The following CLSTN2 variants were observed in gnomAD, a reference collection of about 807,000 sequenced individuals.
CLSTN2 encodes the protein calsyntenin-2.
In CLSTN2, 48 loss-of-function variants were observed where a neutral mutation model predicts 101.2. The ratio of observed to expected loss-of-function variants is 0.47; its 90% confidence interval spans 0.38 to 0.60. The LOEUF is 0.60. CLSTN2 is among the 20% of genes least tolerant of loss of function. The pLI is 0.00. For missense variants in CLSTN2, 1,160 were observed against 1,238.2 expected (o/e 0.94, Z 0.95); for synonymous variants, 481 against 463.6 (o/e 1.04, Z -0.48).
chr3:140,415,136 C>A (rs920567041), intron 4 of CLSTN2, among the ~76,000 whole-genome samples: 2 of 151,084 alleles, frequency 1.3e-5, no homozygotes, highest in Non-Finnish European at 3.0e-5. Flanking sequence ...TATCCACAAG[C>A]AAAACAAAGC....
intron 2 of CLSTN2, among the ~76,000 whole-genome samples, chr3:140,191,184 A>T (rs1436593090): frequency 6.6e-6 from 1 of 151,706 alleles, no homozygotes; most frequent in East Asian, 1.9e-4. Flanking sequence ...TGAATATGTA[A>T]TTTTTTTTAG....
intron 1 of CLSTN2, among the ~76,000 whole-genome samples, chr3:139,941,978 G>C (rs759897142): frequency 2.6e-5 from 4 of 152,144 alleles, no homozygotes; most frequent in Non-Finnish European, 5.9e-5. Context: ...TGAGAAGTGA[G>C]GTAACTTGCC....
intron 5 of CLSTN2, among the ~76,000 whole-genome samples, chr3:140,447,656 C>G (rs1933116390): frequency 6.6e-6 from 1 of 152,212 alleles, no homozygotes; most frequent in Non-Finnish European, 1.5e-5. Context: ...ATCCTTTCAC[C>G]CTACCTTGTG....
At chr3:140,240,887 A>G (rs150956875) in intron 2 of CLSTN2, among the ~76,000 whole-genome samples, 2 of 152,236 alleles carry the variant, frequency 1.3e-5, no homozygotes, top group African/African-American at 4.8e-5. Flanking sequence ...TCCATGAGAG[A>G]ACCTTTTTCT....
At position 140,357,122 on chromosome 3, in the gene CLSTN2, A is replaced by G. The variant is rs111590244; in HGVS notation, c.233-46507A>G. On this transcript the variant is annotated intron_variant, in intron 2 of 16. Coordinates refer to ENST00000458420, the MANE Select transcript of CLSTN2 (RefSeq NM_022131.3). ...GAGCAAGTCCCCTCTCTTGAACCTC[A>G]ATCTGGAAAATGGAGATGAAATGAG... Among the ~76,000 whole-genome samples, 274 of 152,326 alleles carry G rather than the reference A, an allele frequency of 1.8e-3. 1 individual carries two copies. Among genetic ancestry groups the G allele is most frequent in the African/African-American group, 6.1e-3 (252 of 41,576 alleles).
chr3:140,391,756 G>A (rs1187447819), intron 2 of CLSTN2, among the ~76,000 whole-genome samples: 1 of 152,046 alleles, frequency 6.6e-6, no homozygotes, highest in Non-Finnish European at 1.5e-5. Context: ...CTGATAGTCA[G>A]TCAGTGAAAG....
chr3:140,251,084 T>C (rs559357261), intron 2 of CLSTN2, among the ~76,000 whole-genome samples: 7 of 152,176 alleles, frequency 4.6e-5, no homozygotes, highest in South Asian at 2.1e-4. Flanking sequence ...GAGTGAGTAG[T>C]TGCCTCTGTG....
chr3:140,472,205 G>C (rs1323962330), intron 8 of CLSTN2, among the ~76,000 whole-genome samples: 4 of 152,120 alleles, frequency 2.6e-5, no homozygotes, highest in Non-Finnish European at 5.9e-5. Context: ...ATATAAATGA[G>C]CATAAGTCAC....
chr3:139,987,907 C>G (rs143423319), intron 1 of CLSTN2, among the ~76,000 whole-genome samples: 2 of 152,306 alleles, frequency 1.3e-5, no homozygotes, highest in Non-Finnish European at 2.9e-5. Context: ...GCCACAGTTA[C>G]GCCAAACCAC....
intron 1 of CLSTN2, among the ~76,000 whole-genome samples, chr3:140,143,721 A>G (rs945106855): frequency 2.0e-5 from 3 of 152,218 alleles, no homozygotes; most frequent in African/African-American, 7.2e-5. Flanking sequence ...TCAGTTGTGT[A>G]GGAACTTAGG....
chr3:140,171,854 T>TA (rs1478577843), intron 1 of CLSTN2, among the ~76,000 whole-genome samples: 2 of 118,318 alleles, frequency 1.7e-5, no homozygotes, highest in Non-Finnish European at 3.3e-5. Context: ...ATAATATATA[T>TA]ATTATATAAT....
intron 1 of CLSTN2, among the ~76,000 whole-genome samples, chr3:139,966,823 C>T (rs970415622): frequency 3.3e-5 from 5 of 152,046 alleles, no homozygotes; most frequent in African/African-American, 9.7e-5. Flanking sequence ...TCTGTTTGTG[C>T]GAAGTGGGCA....
chr3:140,106,894 T>C (rs2009068632), intron 1 of CLSTN2, among the ~76,000 whole-genome samples: 1 of 152,238 alleles, frequency 6.6e-6, no homozygotes, highest in Non-Finnish European at 1.5e-5. Context: ...AGTCAAGTGT[T>C]AATTATTTCT....
At chr3:140,281,083 G>A (rs1191250971) in intron 2 of CLSTN2, among the ~76,000 whole-genome samples, 1 of 152,208 alleles carries the variant, frequency 6.6e-6, no homozygotes, top group African/African-American at 2.4e-5. Context: ...CCTTTCAAAT[G>A]TACAGGTCTA....
rs763094131 is a variant in CLSTN2 at position 140,491,814 on chromosome 3, C to A, written c.1344+25083C>A. 3.3e-5 allele frequency among the ~76,000 whole-genome samples: 5 copies of A among 152,116 alleles called. No homozygotes were observed. In the South Asian group the frequency reaches 1.0e-3, roughly 32 times the overall value. On this transcript the variant is annotated intron_variant, in intron 8 of 16. Coordinates refer to ENST00000458420, the MANE Select transcript of CLSTN2 (RefSeq NM_022131.3). ...TCCAGCCTGGGCAACTGGAGTGAGA[C>A]GCTGTCTCAAATACTTAAGTAAAAG...
intron 2 of CLSTN2, among the ~76,000 whole-genome samples, chr3:140,246,201 A>C (rs919985294): frequency 6.6e-6 from 1 of 152,230 alleles, no homozygotes; most frequent in African/African-American, 2.4e-5. Flanking sequence ...ATGAAAGTTG[A>C]GTATCATTTT....
chr3:140,129,835 A>T (rs1279031609), intron 1 of CLSTN2, among the ~76,000 whole-genome samples: 3 of 152,164 alleles, frequency 2.0e-5, no homozygotes, highest in Non-Finnish European at 4.4e-5. Flanking sequence ...TGACTTCTGC[A>T]TGCCGACACA....
intron 2 of CLSTN2, among the ~76,000 whole-genome samples, chr3:140,265,974 T>G (rs1240893656): frequency 1.3e-5 from 2 of 152,150 alleles, no homozygotes; most frequent in African/African-American, 4.8e-5. Flanking sequence ...GCAGACATCA[T>G]CACTACATGG....
intron 2 of CLSTN2, among the ~76,000 whole-genome samples, chr3:140,315,941 C>T (rs1302044493): frequency 6.6e-6 from 1 of 152,116 alleles, no homozygotes; most frequent in African/African-American, 2.4e-5. Flanking sequence ...GGCAATTGAT[C>T]AGAGAGAGGG....
Sources: gnomAD v4.1 joint callset for allele counts (sites outside exome capture counted in the v4.1 genomes callset) on GRCh38, gnomAD v4.1.1 for gene constraint, MANE v1.5 for transcripts, NCBI Gene and HGNC (gene_info 2026-07-23, HGNC 2026-07-21) for gene names.